The following CACNA1A variants were observed in gnomAD, a reference collection of about 807,000 sequenced individuals.
CACNA1A encodes the protein voltage-dependent P/Q-type calcium channel subunit alpha-1A.
A neutral mutation model predicts 262.4 loss-of-function variants in CACNA1A; 57 were observed. The ratio of observed to expected loss-of-function variants is 0.22; its 90% CI spans 0.18 to 0.27. The LOEUF (loss-of-function observed/expected upper bound fraction) is 0.27. Ranked by LOEUF, CACNA1A falls within the 10% of genes least tolerant of loss-of-function variation. The pLI, the probability that CACNA1A is intolerant of heterozygous loss-of-function variation, is 1.00. For missense variants in CACNA1A, 2,526 were observed against 3,562.8 expected, an observed-to-expected ratio of 0.71 and a Z score of 7.41; for synonymous variants, 1,431 against 1,419.3, an observed-to-expected ratio of 1.01 and a Z score of -0.18.
intron 3 of CACNA1A, among the ~76,000 whole-genome samples, chr19:13,414,212 G>C (rs1235819756): frequency 6.6e-6 from 1 of 152,032 alleles, no homozygotes; most frequent in Non-Finnish European, 1.5e-5. Flanking sequence ...GGGCAACATA[G>C]GGAGACTCCT....
chr19:13,228,952 C>A, intron 36 of CACNA1A: 1 of 435,298 alleles, frequency 2.3e-6, no homozygotes, highest in South Asian at 2.5e-5. Context: ...TTCCCAGACA[C>A]TGGGGAGACC....
intron 3 of CACNA1A, among the ~76,000 whole-genome samples, chr19:13,400,927 C>T (rs137895990): frequency 0.038 from 5,820 of 152,228 alleles, 222 homozygotes; most frequent in East Asian, 0.12. Context: ...CAGGTTCAAA[C>T]GATTCTCCTG....
intron 3 of CACNA1A, among the ~76,000 whole-genome samples, chr19:13,376,338 T>A (rs539392723): frequency 3.3e-5 from 5 of 152,166 alleles, no homozygotes; most frequent in Admixed American, 6.6e-5. Flanking sequence ...GACTCTCTTG[T>A]TAGGAGCTAG....
intron 1 of CACNA1A, among the ~76,000 whole-genome samples, chr19:13,466,887 T>C (rs567089993): frequency 2.7e-5 from 4 of 149,800 alleles, no homozygotes; most frequent in African/African-American, 4.9e-5. Flanking sequence ...ATTATTTATT[T>C]ATTTATTTAT....
intron 22 of CACNA1A, among the ~76,000 whole-genome samples, chr19:13,281,192 C>T (rs981060086): frequency 7.3e-5 from 11 of 151,466 alleles, no homozygotes; most frequent in Non-Finnish European, 1.3e-4. Context: ...ACCAGCCTGG[C>T]AACATAGCGA....
In CACNA1A at chr19:13,299,022, G is replaced by A. The variant is rs780462531; in HGVS notation, c.2611C>T (p.Pro871Ser). ...GCGTCCAGGCCCGCCGAGCCGCTGG[G>A]GTCCCGGGCCCGATCGTGGTAGCGG... Reference protein sequence around the residue: ...QARYHDRARDPSGSAGLDARR... With the variant: ...QARYHDRARDSSGSAGLDARR... The change falls in exon 19 of 47, where the codon CCC (proline) becomes TCC (serine). Residue 871 changes from proline (P) to serine (S), a missense_variant. By Grantham distance (74) the Pro-to-Ser change is moderately conservative (BLOSUM62 -1). Around this residue, in one of 17 missense-constraint regions of CACNA1A, gnomAD observed 765 missense variants for 748.6 expected, o/e 1.02. Coordinates refer to ENST00000360228, the MANE Select transcript of CACNA1A (RefSeq NM_001127222.2). 6.3e-7 allele frequency: 1 copy of A among 1,590,470 alleles called. No homozygotes were observed. Among genetic ancestry groups the A allele is most frequent in the Non-Finnish European group, 8.5e-7 (1 of 1,174,242 alleles).
intron 19 of CACNA1A, among the ~76,000 whole-genome samples, chr19:13,297,083 C>CA (rs1285112337): frequency 6.6e-6 from 1 of 152,088 alleles, no homozygotes; most frequent in Non-Finnish European, 1.5e-5. Flanking sequence ...TGAAAATGGC[C>CA]AAAAATGCTC....
rs78919722 is a variant in CACNA1A, at chr19:13,383,969, C to T, written c.540-12190G>A. ...AGCTGGAACTACAGGCATGCATTAC[C>T]CTATCCAGCTAATTTTTAATATTTT... On this transcript the variant is annotated intron_variant, in intron 3 of 46. Transcript: ENST00000360228. Among the ~76,000 whole-genome samples the T allele has an allele frequency of 3.5e-3, 533 of 152,164 alleles. 2 individuals carry two copies. The highest frequency in any genetic ancestry group is 0.012 in the African/African-American group (507 of 41,512).
chr19:13,370,988 C>T (rs2059313100), intron 4 of CACNA1A: 1 of 151,948 alleles, frequency 6.6e-6, no homozygotes, highest in Non-Finnish European at 1.5e-5. Flanking sequence ...TAATCTTGAC[C>T]CTGCATATGG....
chr19:13,301,397 C>T (rs181907475), intron 17 of CACNA1A, among the ~76,000 whole-genome samples: 1 of 152,286 alleles, frequency 6.6e-6, no homozygotes, highest in Non-Finnish European at 1.5e-5. Flanking sequence ...ATCCGATGGC[C>T]CCTGCCATGC....
At chr19:13,468,562 G>A (rs981091944) in intron 1 of CACNA1A, among the ~76,000 whole-genome samples, 1 of 152,202 alleles carries the variant, frequency 6.6e-6, no homozygotes, top group South Asian at 2.1e-4. Context: ...CAAGGTGGCC[G>A]GATCACTTCA....
intron 28 of CACNA1A, among the ~76,000 whole-genome samples, chr19:13,255,730 T>C (rs1293457008): frequency 4.4e-4 from 40 of 91,768 alleles, no homozygotes; most frequent in African/African-American, 1.6e-3. Context: ...CTTCTCTCCC[T>C]CCCTCCTTCC....
chr19:13,355,798 C>T (rs1315997222), intron 6 of CACNA1A, among the ~76,000 whole-genome samples: 1 of 152,176 alleles, frequency 6.6e-6, no homozygotes, highest in Non-Finnish European at 1.5e-5. Flanking sequence ...GGGCCTGGAT[C>T]ATTCTCTATG....
At chr19:13,264,420 A>G (rs1284070940) in intron 24 of CACNA1A, among the ~76,000 whole-genome samples, 2 of 152,224 alleles carry the variant, frequency 1.3e-5, no homozygotes, top group Non-Finnish European at 2.9e-5. Context: ...CACAGTGGCT[A>G]AAGCCAATGA....
chr19:13,329,759 C>A (rs369797134), intron 10 of CACNA1A, among the ~76,000 whole-genome samples: 160 of 149,498 alleles, frequency 1.1e-3, no homozygotes, highest in African/African-American at 3.8e-3. Flanking sequence ...AGGCGTGAGC[C>A]ACTGTGCCTG....
chr19:13,497,512 AAAAAAAAAAATATATATATATATAT>A (rs1981739149), intron 1 of CACNA1A, among the ~76,000 whole-genome samples: 13 of 45,536 alleles, frequency 2.9e-4, no homozygotes, highest in Non-Finnish European at 5.0e-4. Context: ...AAAAAAAAAA[AAAAAAAAAAATATATATATATATAT>A]ATATATATAT....
chr19:13,316,817 C>G (rs2058136811), intron 11 of CACNA1A: 1 of 303,754 alleles, frequency 3.3e-6, no homozygotes, highest in Admixed American at 4.6e-5. Flanking sequence ...TTCTCTGTCT[C>G]TCTTCCAACA....
chr19:13,407,568 T>G (rs947302962), intron 3 of CACNA1A, among the ~76,000 whole-genome samples: 37 of 152,178 alleles, frequency 2.4e-4, no homozygotes, highest in African/African-American at 8.4e-4. Context: ...GAGATCTGCT[T>G]CTTCTTTTTG....
At chr19:13,382,609 G>C (rs1254796655) in intron 3 of CACNA1A, among the ~76,000 whole-genome samples, 1 of 152,212 alleles carries the variant, frequency 6.6e-6, no homozygotes, top group African/African-American at 2.4e-5. Context: ...TGAGAGTCAT[G>C]TAAGGTTTTG....
Sources: gnomAD v4.1 joint callset for allele counts (sites outside exome capture counted in the v4.1 genomes callset) on GRCh38, gnomAD v4.1.1 for gene constraint, gnomAD v4.1.1 regional missense constraint, MANE v1.5 for transcripts, NCBI Gene and HGNC (gene_info 2026-07-23, HGNC 2026-07-21) for gene names.